RPSA2: variants seen among roughly 807,000 people sequenced by gnomAD.
RPSA2 encodes small ribosomal subunit protein uS2B.
chr19:23,759,087 C>T, the RPSA2 span, among the ~76,000 whole-genome samples: 2 of 152,116 alleles, frequency 1.3e-5, no homozygotes, highest in African/African-American at 4.8e-5. Context: ...GACAGGGCTC[C>T]CTCCCTGAGC....
At chr19:23,810,436 A>T in the RPSA2 span, among the ~76,000 whole-genome samples, 3 of 8,000 alleles carry the variant, frequency 3.8e-4, 1 homozygote, top group Non-Finnish European at 1.2e-3. Flanking sequence ...AAGGGCTTGG[A>T]TAGTTGTAGT....
At chr19:23,778,957 C>G in the RPSA2 span, among the ~76,000 whole-genome samples, 14 of 150,212 alleles carry the variant, frequency 9.3e-5, no homozygotes, top group Non-Finnish European at 1.8e-4. Flanking sequence ...TTGACTGACT[C>G]TCCTGCCTGG....
chr19:23,866,885 G>C, the RPSA2 span, among the ~76,000 whole-genome samples: 1 of 152,170 alleles, frequency 6.6e-6, no homozygotes, highest in South Asian at 2.1e-4. Flanking sequence ...TTAGGCAAAA[G>C]CTGCCTTAAC....
the RPSA2 span, among the ~76,000 whole-genome samples, chr19:23,830,051 G>GC: frequency 6.7e-6 from 1 of 148,270 alleles, no homozygotes; most frequent in African/African-American, 2.5e-5. Flanking sequence ...ACTTTGGAAG[G>GC]TTTTTTTTTT....
chr19:23,766,142 C>CTTTTTTTTTTTTTTTTTTTTT, the RPSA2 span, among the ~76,000 whole-genome samples: 8 of 43,260 alleles, frequency 1.8e-4, 4 homozygotes, highest in African/African-American at 1.6e-4. Flanking sequence ...TATTTCATTT[C>CTTTTTTTTTTTTTTTTTTTTT]CTTTTTTTTT....
At chr19:23,778,436 A>G in the RPSA2 span, among the ~76,000 whole-genome samples, 1 of 152,128 alleles carries the variant, frequency 6.6e-6, no homozygotes, top group Non-Finnish European at 1.5e-5. Context: ...CTGGTCTCGA[A>G]TTCCTGACCT....
the RPSA2 span, among the ~76,000 whole-genome samples, chr19:23,811,006 C>CTTT: frequency 9.2e-5 from 12 of 130,468 alleles, no homozygotes; most frequent in African/African-American, 1.7e-4. Flanking sequence ...CTTAAAGGCA[C>CTTT]TTTTTTTTTT....
the RPSA2 span, among the ~76,000 whole-genome samples, chr19:23,847,678 A>G: frequency 2.6e-5 from 4 of 152,306 alleles, no homozygotes; most frequent in South Asian, 8.3e-4. Context: ...AACTGGTCTG[A>G]CCAAAAATTT....
chr19:23,785,713 C>T, the RPSA2 span, among the ~76,000 whole-genome samples: 3 of 152,192 alleles, frequency 2.0e-5, no homozygotes, highest in South Asian at 6.2e-4. Flanking sequence ...TTACTCTCCT[C>T]CTTTCTGCCT....
the RPSA2 span, among the ~76,000 whole-genome samples, chr19:23,772,068 G>A: frequency 1.3e-4 from 20 of 151,634 alleles, no homozygotes; most frequent in Admixed American, 1.2e-3. Context: ...CTATGGGATT[G>A]CGTGCTCCTG....
chr19:23,846,040 A>G, the RPSA2 span, among the ~76,000 whole-genome samples: 2 of 152,164 alleles, frequency 1.3e-5, no homozygotes, highest in Non-Finnish European at 1.5e-5. Flanking sequence ...TGTGTTACCT[A>G]TAGAGATATT....
chr19:23,850,230 G>A, the RPSA2 span, among the ~76,000 whole-genome samples: 5 of 149,934 alleles, frequency 3.3e-5, no homozygotes, highest in African/African-American at 1.2e-4. Context: ...AGGCACATAA[G>A]CCTAATAAGA....
At chr19:23,761,930 T>TCCTTCCTTCCTTCCTTCCTTCCTTCC in the RPSA2 span, among the ~76,000 whole-genome samples, 5 of 127,436 alleles carry the variant, frequency 3.9e-5, 1 homozygote, top group African/African-American at 1.6e-4. Context: ...CTTTTTTTTT[T>TCCTTCCTTCCTTCCTTCCTTCCTTCC]TTTTTGAGAT....
At chr19:23,825,780 G>T in the RPSA2 span, among the ~76,000 whole-genome samples, 1 of 151,824 alleles carries the variant, frequency 6.6e-6, no homozygotes, top group African/African-American at 2.4e-5. Flanking sequence ...GTAGAGACAG[G>T]GTTTCTCCAT....
chr19:23,853,509 TA>T, the RPSA2 span, among the ~76,000 whole-genome samples: 1 of 152,220 alleles, frequency 6.6e-6, no homozygotes, highest in Non-Finnish European at 1.5e-5. Context: ...CAATTTCCAT[TA>T]TAAAGGCATA....
At chr19:23,832,523 A>G in the RPSA2 span, 3 of 659,676 alleles carry the variant, frequency 4.5e-6, no homozygotes, top group South Asian at 1.7e-5. Flanking sequence ...TACTATATAT[A>G]AGATAATTCA....
the RPSA2 span, chr19:23,818,276 G>C: frequency 6.6e-6 from 1 of 152,178 alleles, no homozygotes; most frequent in Non-Finnish European, 1.5e-5. Flanking sequence ...GTATGAGGCA[G>C]ACTCCTAATA....
At chr19:23,764,263 C>T in the RPSA2 span, among the ~76,000 whole-genome samples, 3 of 152,174 alleles carry the variant, frequency 2.0e-5, no homozygotes, top group African/African-American at 4.8e-5. Context: ...CCCTCTTCCC[C>T]TAGCTTAACT....
At chr19:23,815,134 C>T in the RPSA2 span, among the ~76,000 whole-genome samples, 111 of 152,182 alleles carry the variant, frequency 7.3e-4, no homozygotes, top group Non-Finnish European at 1.3e-3. Context: ...GTGAGCTACA[C>T]CACCCAGCTG....
Sources: gnomAD v4.1 joint callset for allele counts (sites outside exome capture counted in the v4.1 genomes callset) on GRCh38, gnomAD v4.1.1 for gene constraint, MANE v1.5 for transcripts, NCBI Gene and HGNC (gene_info 2026-07-23, HGNC 2026-07-21) for gene names.